DAAM2: variants seen among roughly 807,000 people sequenced by gnomAD.
DAAM2 encodes dishevelled associated activator of morphogenesis 2.
In DAAM2, 39 loss-of-function variants were observed where a neutral mutation model predicts 120.7. The observed-to-expected ratio is 0.32, with a 90% confidence interval of 0.25 to 0.42. The LOEUF (loss-of-function observed/expected upper bound fraction) is 0.42. Ranked by LOEUF, DAAM2 falls within the 10% of genes least tolerant of loss-of-function variation. The pLI is 1.00. For synonymous variants in DAAM2, 488 were observed against 524.9 expected (o/e 0.93, Z 0.96); for missense variants, 1,283 against 1,401.7 (o/e 0.92, Z 1.35).
At chr6:39,870,556 C>T in intron 8 of DAAM2, 113 bp downstream of exon 8, 2 of 706,788 alleles carry the variant, frequency 2.8e-6, no homozygotes, top group South Asian at 3.4e-5. Flanking sequence ...GCTGCCATTC[C>T]CAGCGCAGAT....
rs144870724 is a variant in DAAM2, at chr6:39,815,393, C to T, written c.-57+22928C>T. Among the ~76,000 whole-genome samples the T allele has an allele frequency of 7.9e-3, 1,196 of 152,288 alleles. 14 individuals carry two copies. The highest frequency in any genetic ancestry group is 0.026 in the African/African-American group (1,100 of 41,560). On this transcript the variant is annotated intron_variant, in intron 1 of 24. Transcript: ENST00000274867. ...TTCAATTCTGTCTCTAAGGCTCACT[C>T]ATTGTATGGGTGTCCCTGAGCAAGT...
intron 5 of DAAM2, 186 bp from the exon 6 acceptor site, chr6:39,867,324 A>T: frequency 1.6e-6 from 1 of 606,326 alleles, no homozygotes; most frequent in South Asian, 2.0e-5. Flanking sequence ...TTTAAAATGC[A>T]AATAAGACAC....
chr6:39,828,570 C>CTTTTTTTTTTTTTTTTTT (rs1430820441), intron 1 of DAAM2, among the ~76,000 whole-genome samples: 5 of 142,598 alleles, frequency 3.5e-5, no homozygotes, highest in African/African-American at 7.9e-5. Context: ...CCCCCTCCGT[C>CTTTTTTTTTTTTTTTTTT]TTTTTTTTTT....
At chr6:39,802,196 G>A (rs1761884292) in intron 1 of DAAM2, among the ~76,000 whole-genome samples, 1 of 152,196 alleles carries the variant, frequency 6.6e-6, no homozygotes. Context: ...TGTTATCGAT[G>A]TCTGTGGCTG....
chr6:39,872,353 G>A (rs903029312), intron 9 of DAAM2, among the ~76,000 whole-genome samples: 4 of 152,142 alleles, frequency 2.6e-5, no homozygotes, highest in African/African-American at 9.7e-5. Flanking sequence ...TGCAGGCTGT[G>A]GAAGCCTCCC....
chr6:39,834,279 T>C (rs1454736775), intron 1 of DAAM2, among the ~76,000 whole-genome samples: 2 of 152,222 alleles, frequency 1.3e-5, no homozygotes, highest in African/African-American at 4.8e-5. Flanking sequence ...GGTTTTCAAA[T>C]TCCCCCATTT....
chr6:39,875,596 T>A, intron 11 of DAAM2, 128 bp downstream of exon 11: 1 of 1,153,832 alleles, frequency 8.7e-7, no homozygotes, highest in Admixed American at 2.6e-5. Flanking sequence ...TTGGGCAGCA[T>A]GGTCCAACAG....
chr6:39,835,488 C>T (rs1763067956), intron 1 of DAAM2, among the ~76,000 whole-genome samples: 2 of 152,228 alleles, frequency 1.3e-5, no homozygotes, highest in Admixed American at 1.3e-4. Context: ...ACTCTGGACT[C>T]CAAATCTAGT....
Position 39,842,489 on chromosome 6 carries a change from C to T in DAAM2, c.-56-13758C>T, listed in dbSNP as rs200959448. On this transcript the variant is annotated intron_variant, in intron 1 of 24. Transcript: ENST00000274867. ...TCTACTAAAAATATAAAAAATTTGC[C>T]GGGCGTGGTGGTGCATGCCTGTAAA... Among the ~76,000 whole-genome samples, 369 of 151,984 alleles carry T rather than the reference C, an allele frequency of 2.4e-3. 1 individual carries two copies. Among genetic ancestry groups the T allele is most frequent in the Non-Finnish European group, 4.0e-3 (273 of 67,972 alleles).
chr6:39,827,336 A>AT lies in DAAM2; in HGVS notation c.-56-28910dup, dbSNP rs1203796488. Among the ~76,000 whole-genome samples, 35 of 152,280 alleles carry AT rather than the reference A, an allele frequency of 2.3e-4. 1 individual carries two copies. Among genetic ancestry groups the AT allele is most frequent in the Admixed American group, 5.2e-4 (8 of 15,298 alleles). ...ACGTCTTGTGCATGCCAGCAGCTGT[A>AT]TGAGGGGCGTCCTGCAGATCATGTC... is the stretch of plus-strand genomic sequence containing the variant. On this transcript the variant is annotated intron_variant, in intron 1 of 24. Coordinates refer to ENST00000274867, the MANE Select transcript of DAAM2 (RefSeq NM_001201427.2).
chr6:39,893,450 G>A (rs59114989), intron 19 of DAAM2, among the ~76,000 whole-genome samples: 3,807 of 152,094 alleles, frequency 0.025, 64 homozygotes, highest in African/African-American at 0.049. Context: ...CCCAGGAGGC[G>A]GAGCTGGCAG....
intron 4 of DAAM2, 109 bp downstream of exon 4, chr6:39,864,616 C>A: frequency 2.4e-6 from 2 of 819,176 alleles, no homozygotes; most frequent in Non-Finnish European, 3.8e-6. Flanking sequence ...TACTGCTCCT[C>A]AGCGCCCCAC....
chr6:39,821,027 C>T (rs1015564003), intron 1 of DAAM2: 1 of 152,276 alleles, frequency 6.6e-6, no homozygotes, highest in Non-Finnish European at 1.5e-5. Context: ...GCTTGTCATA[C>T]CACAGGATGA....
In DAAM2 at chr6:39,889,537, C is replaced by T. The variant is rs144379531; in HGVS notation, c.2145+774C>T. On this transcript the variant is annotated intron_variant, in intron 17 of 24. Transcript: ENST00000274867. ...TATACCCGCCCTATTGCCTAGTAATCCCACTCTTAGGTATAACTCCAGGGA... is the reference window on the plus strand; with the variant it reads ...TATACCCGCCCTATTGCCTAGTAATTCCACTCTTAGGTATAACTCCAGGGA... 8.5e-5 allele frequency among the ~76,000 whole-genome samples: 13 copies of T among 152,242 alleles called. No individual in the cohort carries two copies. The East Asian group carries it at 2.5e-3, about 29-fold the overall frequency.
chr6:39,848,037 G>A (rs1042615435), intron 1 of DAAM2, among the ~76,000 whole-genome samples: 3 of 152,116 alleles, frequency 2.0e-5, no homozygotes, highest in African/African-American at 4.8e-5. Context: ...CTGGGCTGTC[G>A]TTGTGCCAGG....
At chr6:39,807,178 T>G (rs1762033014) in intron 1 of DAAM2, among the ~76,000 whole-genome samples, 2 of 132,122 alleles carry the variant, frequency 1.5e-5, no homozygotes, top group South Asian at 4.6e-4. Flanking sequence ...TGGAATACTA[T>G]AGAACACAGC....
chr6:39,831,806 AG>A (rs1762910439), intron 1 of DAAM2, among the ~76,000 whole-genome samples: 2 of 22,914 alleles, frequency 8.7e-5, no homozygotes, highest in African/African-American at 2.4e-4. Context: ...GGGGGGGGGC[AG>A]GTGCAGTGCA....
intron 2 of DAAM2, among the ~76,000 whole-genome samples, chr6:39,859,109 C>G (rs1457616472): frequency 6.6e-6 from 1 of 152,140 alleles, no homozygotes; most frequent in East Asian, 1.9e-4. Flanking sequence ...TCACATGGAA[C>G]TGCTCTGTAG....
At chr6:39,831,370 G>C (rs1447202575) in intron 1 of DAAM2, among the ~76,000 whole-genome samples, 1 of 152,072 alleles carries the variant, frequency 6.6e-6, no homozygotes, top group Non-Finnish European at 1.5e-5. Flanking sequence ...CACACTTAGT[G>C]CTGAATAGGT....
Sources: gnomAD v4.1 joint callset for allele counts (sites outside exome capture counted in the v4.1 genomes callset) on GRCh38, gnomAD v4.1.1 for gene constraint, MANE v1.5 for transcripts, NCBI Gene and HGNC (gene_info 2026-07-23, HGNC 2026-07-21) for gene names.